LIPH: variants seen among roughly 807,000 people sequenced by gnomAD.
LIPH encodes the protein lipase member H.
In LIPH, 32 loss-of-function variants were observed where a neutral mutation model predicts 47.6. The ratio of observed to expected loss-of-function variants is 0.67; its 90% CI spans 0.51 to 0.90. LIPH has a LOEUF of 0.90. LIPH is among the 40% of genes least tolerant of loss of function. The pLI, the probability that LIPH is intolerant of heterozygous loss-of-function variation, is 0.00. For synonymous variants in LIPH, 190 were observed against 195.6 expected (o/e 0.97, Z 0.24); for missense variants, 497 against 541.4 (o/e 0.92, Z 0.81).
chr3:185,527,494 G>A lies in LIPH; in HGVS notation c.618C>T (p.Ser206=), dbSNP rs1462493008. ...SDAQFVDVIH[S]DTDALGYKEP... ...GGAAAGGAGCGTTACCATCAGTGTC[G>A]GAATGGATGACATCAACAAACTGCG... The change falls in exon 4 of 10, where the codon TCC becomes TCT. Residue 206 remains serine (S), a synonymous_variant. Transcript: ENST00000296252. The A allele has an allele frequency of 6.2e-7, 1 of 1,610,634 alleles. No homozygotes were observed. The highest frequency in any genetic ancestry group is 1.3e-5 in the African/African-American group (1 of 74,616).
intron 1 of LIPH, among the ~76,000 whole-genome samples, chr3:185,545,155 T>C (rs1720833122): frequency 6.6e-6 from 1 of 152,170 alleles, no homozygotes; most frequent in Non-Finnish European, 1.5e-5. Flanking sequence ...AGGAGAAATT[T>C]TGCCTGTCCT....
intron 3 of LIPH, among the ~76,000 whole-genome samples, chr3:185,529,048 G>A (rs746519741): frequency 1.3e-5 from 2 of 149,256 alleles, no homozygotes; most frequent in African/African-American, 4.9e-5. Context: ...GTGGTGGCAC[G>A]TGCCTGTAGT....
chr3:185,550,536 T>G (rs80288868), intron 1 of LIPH, among the ~76,000 whole-genome samples: 7,294 of 152,244 alleles, frequency 0.048, 286 homozygotes, highest in East Asian at 0.24. Context: ...GTTAGGGTTG[T>G]CCCTGACCCA....
chr3:185,526,526 T>TAATAAAATAA (rs202217231), intron 4 of LIPH, among the ~76,000 whole-genome samples: 5 of 122,502 alleles, frequency 4.1e-5, no homozygotes, highest in Non-Finnish European at 7.0e-5. Context: ...CGTCTCAAAA[T>TAATAAAATAA]AATAAAATAA....
intron 3 of LIPH, among the ~76,000 whole-genome samples, chr3:185,528,979 T>C (rs2148955864): frequency 1.5e-5 from 2 of 136,940 alleles, no homozygotes; most frequent in South Asian, 4.6e-4. Flanking sequence ...CTGGCTAACA[T>C]GGTGAAACCC....
At chr3:185,552,363 G>T in intron 1 of LIPH, 60 bp downstream of exon 1, 2 of 1,169,742 alleles carry the variant, frequency 1.7e-6, no homozygotes, top group South Asian at 1.2e-5. Context: ...CATGCAAAAT[G>T]ACAACACAAC....
At chr3:185,518,107 G>A (rs1719787504) in intron 6 of LIPH, among the ~76,000 whole-genome samples, 1 of 152,152 alleles carries the variant, frequency 6.6e-6, no homozygotes, top group South Asian at 2.1e-4. Context: ...CACAGAAAGG[G>A]TATTCCTGTC....
At chr3:185,527,778 A>ACC (rs1206850705) in intron 3 of LIPH, among the ~76,000 whole-genome samples, 193 bp from the exon 4 acceptor site, 2 of 146,590 alleles carry the variant, frequency 1.4e-5, no homozygotes, top group African/African-American at 5.0e-5. Context: ...GGAGACGGTT[A>ACC]CCCTGGCTGT....
chr3:185,551,536 A>G (rs1162134130), intron 1 of LIPH, among the ~76,000 whole-genome samples: 1 of 152,160 alleles, frequency 6.6e-6, no homozygotes, highest in Non-Finnish European at 1.5e-5. Context: ...CCATTCCTGT[A>G]TGTAGAAACA....
chr3:185,539,261 C>T (rs1720625664), intron 1 of LIPH, among the ~76,000 whole-genome samples: 1 of 152,034 alleles, frequency 6.6e-6, no homozygotes, highest in South Asian at 2.1e-4. Context: ...GCCACTGTGC[C>T]CAGCCTCAAA....
chr3:185,539,928 A>C (rs555504995), intron 1 of LIPH, among the ~76,000 whole-genome samples: 185 of 152,292 alleles, frequency 1.2e-3, no homozygotes, highest in African/African-American at 4.3e-3. Context: ...CTCCCCACCA[A>C]TCACTGAGCC....
intron 1 of LIPH, among the ~76,000 whole-genome samples, chr3:185,540,920 G>A (rs921878070): frequency 2.6e-5 from 4 of 152,082 alleles, no homozygotes; most frequent in East Asian, 1.9e-4. Flanking sequence ...CTCGGAGTGC[G>A]CTGCCGACTT....
At chr3:185,537,849 C>G (rs143992350) in intron 1 of LIPH, among the ~76,000 whole-genome samples, 2 of 152,226 alleles carry the variant, frequency 1.3e-5, no homozygotes, top group Non-Finnish European at 2.9e-5. Flanking sequence ...GCTCTGTCAC[C>G]CAGGCTGGAG....
At position 185,514,432 on chromosome 3, in the gene LIPH, T is replaced by C. The variant is rs759158294; in HGVS notation, c.1072A>G (p.Thr358Ala). 4 of 1,547,586 alleles carry C rather than the reference T, an allele frequency of 2.6e-6. No homozygotes were observed. The highest frequency in any genetic ancestry group is 3.6e-6 in the Non-Finnish European group (4 of 1,119,186). Residue 358 changes from threonine to alanine, a missense_variant, in exon 8 of 10, where the codon ACC becomes GCC. Physicochemically the swap from Thr to Ala is moderately conservative, Grantham distance 58. Coordinates refer to ENST00000296252, the MANE Select transcript of LIPH (RefSeq NM_139248.3). ...TACTGATTGATTTTGGATTCTGTGG[T>C]GTTTCCAGCTTTGTCTCTCAATTTG... ...TIKLRDKAGN[T>A]TESKINHEPT...
Position 185,535,145 on chromosome 3 carries a change from A to G in LIPH, c.50-13T>C, listed in dbSNP as rs773680215. On this transcript the variant is annotated splice_polypyrimidine_tract_variant and intron_variant, in intron 1 of 9. Transcript: ENST00000296252. ...GTTTCTTCTGCGTCTGAAAATAAAAATTAGATGGCATCACGACAGGTCTTT... is the reference window on the plus strand; with the variant it reads ...GTTTCTTCTGCGTCTGAAAATAAAAGTTAGATGGCATCACGACAGGTCTTT... 1 of 1,613,482 alleles carries G rather than the reference A, an allele frequency of 6.2e-7. No individual in the cohort carries two copies. Among genetic ancestry groups the G allele is most frequent in the Non-Finnish European group, 8.5e-7 (1 of 1,180,008 alleles).
Position 185,514,335 on chromosome 3 carries a change from T to C in LIPH, c.1094+75A>G, listed in dbSNP as rs1719659268. ...AAGCATAGATCTATAAATAAGAAAG[T>C]AGGTGGATTTGTGATTTAATTTCTC... On this transcript the variant is annotated intron_variant, in intron 8 of 9. Transcript: ENST00000296252. 3 of 779,266 alleles carry C rather than the reference T, an allele frequency of 3.8e-6. No individual in the cohort carries two copies. In the Admixed American group the frequency reaches 5.2e-5, roughly 13 times the overall value. 48.3% of individuals were successfully genotyped at this position (779,266 alleles called of 1,614,324 possible). A position where few individuals can be genotyped will look rare whatever the true frequency, so the allele number is the denominator to read the frequency against.
At chr3:185,551,767 G>A (rs1577696491) in intron 1 of LIPH, among the ~76,000 whole-genome samples, 2 of 137,928 alleles carry the variant, frequency 1.5e-5, no homozygotes, top group East Asian at 6.7e-4. Flanking sequence ...ACAGCTATCT[G>A]AAACAAAACT....
At chr3:185,541,147 T>C (rs664237) in intron 1 of LIPH, among the ~76,000 whole-genome samples, 1 of 152,232 alleles carries the variant, frequency 6.6e-6, no homozygotes, top group Non-Finnish European at 1.5e-5. Context: ...ATTCCTTATA[T>C]AGTTTCAAAA....
At position 185,533,669 on chromosome 3, in the gene LIPH, G is replaced by A. The variant is rs1349368180; in HGVS notation, c.428C>T (p.Ala143Val). 1.9e-6 allele frequency: 3 copies of A among 1,610,526 alleles called. No individual in the cohort carries two copies. The highest frequency in any genetic ancestry group is 1.7e-5 in the Admixed American group (1 of 60,006). ...GATCATGTAAATGTCATCAAGAGAAGCTCCTTCTGCCTGGAATTTCAAGAG... is the reference window on the plus strand; with the variant it reads ...GATCATGTAAATGTCATCAAGAGAAACTCCTTCTGCCTGGAATTTCAAGAG... ...EFIDQMLAEG[A>V]SLDDIYMIGV... The change falls in exon 3 of 10, where the codon GCT becomes GTT. Residue 143 changes from alanine (A) to valine (V), a missense_variant. Ala to Val is a moderately conservative substitution (Grantham distance 64). Coordinates refer to ENST00000296252, the MANE Select transcript of LIPH (RefSeq NM_139248.3).
Sources: gnomAD v4.1 joint callset for allele counts (sites outside exome capture counted in the v4.1 genomes callset) on GRCh38, gnomAD v4.1.1 for gene constraint, MANE v1.5 for transcripts, NCBI Gene and HGNC (gene_info 2026-07-23, HGNC 2026-07-21) for gene names.